The following TMEM242 variants were observed in gnomAD, a reference collection of about 807,000 sequenced individuals.
The protein encoded by TMEM242 is transmembrane protein 242.
A neutral mutation model predicts 18.2 loss-of-function variants in TMEM242; 10 were observed. The ratio of observed to expected loss-of-function variants is 0.55; its 90% CI spans 0.34 to 0.93. The LOEUF (loss-of-function observed/expected upper bound fraction) is 0.93. TMEM242 is among the 40% of genes least tolerant of loss of function. TMEM242 has a pLI of 0.02. For missense variants in TMEM242, 186 were observed against 175.5 expected (o/e 1.06, Z -0.34); for synonymous variants, 57 against 69.9 (o/e 0.81, Z 0.92).
intron 3 of TMEM242, among the ~76,000 whole-genome samples, chr6:157,303,461 CTT>C (rs1188445143): frequency 1.3e-5 from 2 of 152,170 alleles, no homozygotes; most frequent in Non-Finnish European, 1.5e-5. Context: ...CCAATACCCA[CTT>C]TTACCAAGTT....
intron 3 of TMEM242, among the ~76,000 whole-genome samples, chr6:157,293,752 T>C (rs1777714933): frequency 6.6e-6 from 1 of 152,092 alleles, no homozygotes; most frequent in African/African-American, 2.4e-5. Flanking sequence ...GAGATTTTTT[T>C]TTCTTTTTTT....
At chr6:157,298,662 A>G (rs1201438844) in intron 3 of TMEM242, among the ~76,000 whole-genome samples, 1 of 152,258 alleles carries the variant, frequency 6.6e-6, no homozygotes, top group Non-Finnish European at 1.5e-5. Flanking sequence ...AGAGGAAGTT[A>G]CCACTTTTTT....
At chr6:157,301,208 A>C (rs963277959) in intron 3 of TMEM242, among the ~76,000 whole-genome samples, 7 of 152,196 alleles carry the variant, frequency 4.6e-5, no homozygotes, top group African/African-American at 1.7e-4. Flanking sequence ...GCTCTTCTGG[A>C]ATGGGGCCCC....
intron 3 of TMEM242, among the ~76,000 whole-genome samples, chr6:157,303,844 G>A (rs781833450): frequency 6.6e-6 from 1 of 151,008 alleles, no homozygotes; most frequent in Non-Finnish European, 1.5e-5. Flanking sequence ...GGGGAGGGGG[G>A]GGTCTCTGCA....
At chr6:157,306,508 T>C (rs1450162314) in intron 3 of TMEM242, among the ~76,000 whole-genome samples, 18 of 152,030 alleles carry the variant, frequency 1.2e-4, no homozygotes, top group African/African-American at 4.3e-4. Context: ...CAGGAGTAGG[T>C]TGTAGTTGGG....
At chr6:157,300,001 G>C (rs1777805461) in intron 3 of TMEM242, 1 of 1,295,698 alleles carries the variant, frequency 7.7e-7, no homozygotes, top group South Asian at 1.2e-5. Context: ...CACTCTTCAC[G>C]GGGGTGAAGA....
intron 2 of TMEM242, among the ~76,000 whole-genome samples, chr6:157,321,808 A>C (rs1778499005): frequency 6.6e-6 from 1 of 152,176 alleles, no homozygotes; most frequent in Non-Finnish European, 1.5e-5. Context: ...GAAATCAACC[A>C]AAACTCTACT....
chr6:157,310,893 T>C (rs1554248490), intron 3 of TMEM242, among the ~76,000 whole-genome samples: 49 of 135,662 alleles, frequency 3.6e-4, no homozygotes, highest in Non-Finnish European at 5.2e-4. Context: ...TGCACTCACC[T>C]AGCCTCATCA....
intron 3 of TMEM242, among the ~76,000 whole-genome samples, chr6:157,293,355 A>AAAACAAACAAACAAAC (rs111648623): frequency 3.3e-4 from 49 of 148,380 alleles, no homozygotes; most frequent in Admixed American, 6.1e-4. Context: ...TATCTCTTTA[A>AAAACAAACAAACAAAC]AAACAAACAA....
chr6:157,298,587 G>T (rs962779296), intron 3 of TMEM242, among the ~76,000 whole-genome samples: 1 of 152,132 alleles, frequency 6.6e-6, no homozygotes, highest in African/African-American at 2.4e-5. Context: ...AGGAAATGAA[G>T]GCGGTTTCAA....
chr6:157,291,853 T>C lies in TMEM242; in HGVS notation c.*1048A>G, dbSNP rs1777688409. 1 of 152,242 alleles carries C rather than the reference T, an allele frequency of 6.6e-6. No homozygotes were observed. Among genetic ancestry groups the C allele is most frequent in the Non-Finnish European group, 1.5e-5 (1 of 68,044 alleles). 9.4% of individuals were successfully genotyped at this position (152,242 alleles called of 1,614,324 possible). ...GTAGGAAGAAATTGCACAACTGATA[T>C]TTAACTACAGGTTTTTTCTCTGGAC... On this transcript the variant is annotated 3_prime_UTR_variant, in exon 4 of 4. Coordinates refer to ENST00000400788, the MANE Select transcript of TMEM242 (RefSeq NM_018452.6).
At chr6:157,294,420 G>A (rs1321766976) in intron 3 of TMEM242, among the ~76,000 whole-genome samples, 3 of 140,952 alleles carry the variant, frequency 2.1e-5, no homozygotes, top group Non-Finnish European at 3.0e-5. Flanking sequence ...GCGGGATCTC[G>A]GCTCACTGCA....
chr6:157,313,863 T>TC (rs1778310952), intron 3 of TMEM242, among the ~76,000 whole-genome samples: 1 of 149,988 alleles, frequency 6.7e-6, no homozygotes, highest in South Asian at 2.1e-4. Context: ...CAGTGTGCAC[T>TC]CCCCTAGCCT....
chr6:157,310,463 AGTGCCCCAGTGTGTG>A (rs1554248292), intron 3 of TMEM242, among the ~76,000 whole-genome samples: 2 of 151,928 alleles, frequency 1.3e-5, no homozygotes, highest in Non-Finnish European at 2.9e-5. Flanking sequence ...GCCTCATCAC[AGTGCCCCAGTGTGTG>A]CTCACCTAGC....
chr6:157,318,690 TA>T (rs782750267), intron 3 of TMEM242, 91 bp downstream of exon 3: 1 of 1,528,808 alleles, frequency 6.5e-7, no homozygotes, highest in Non-Finnish European at 9.0e-7. Flanking sequence ...GTGACCAAAC[TA>T]CATGCAAATA....
rs782744514 is a variant in TMEM242, at chr6:157,318,856, A to G, written c.253T>C (p.Trp85Arg). ...CCACACCATGCATACAGGGAGCCCCAGCCCAGAGCTCGCAAGGCAAGGGAA... is the reference window on the plus strand; with the variant it reads ...CCACACCATGCATACAGGGAGCCCCGGCCCAGAGCTCGCAAGGCAAGGGAA... Reference protein sequence around the residue: ...GSSLALRALGWGSLYAWCGVG... With the variant: ...GSSLALRALGRGSLYAWCGVG... Residue 85 changes from tryptophan (W) to arginine (R), a missense_variant, in exon 3 of 4, where the codon TGG becomes CGG. Coordinates refer to ENST00000400788, the MANE Select transcript of TMEM242 (RefSeq NM_018452.6). 22 of 1,613,036 alleles carry G rather than the reference A, an allele frequency of 1.4e-5. No individual in the cohort carries two copies. Among genetic ancestry groups the G allele is most frequent in the Non-Finnish European group, 1.9e-5 (22 of 1,179,290 alleles).
intron 3 of TMEM242, among the ~76,000 whole-genome samples, chr6:157,315,666 T>C (rs1554250270): frequency 6.6e-6 from 1 of 152,214 alleles, no homozygotes; most frequent in Non-Finnish European, 1.5e-5. Context: ...CACATATTCT[T>C]ATATTCAGTA....
rs1777650589 is a variant in TMEM242 at position 157,289,140 on chromosome 6, T to C, written c.*3761A>G. Among the ~76,000 whole-genome samples, 1 of 151,264 alleles carries C rather than the reference T, an allele frequency of 6.6e-6. No homozygotes were observed. Among genetic ancestry groups the C allele is most frequent in the African/African-American group, 2.4e-5 (1 of 41,090 alleles). The stretch of plus-strand genomic sequence containing the variant: ...AGCCAGCTTCTCTAAGAAATATAAA[T>C]CAAGGTCCTAAATCACTTCACTAAT... On this transcript the variant is annotated 3_prime_UTR_variant, in exon 4 of 4. Coordinates refer to ENST00000400788, the MANE Select transcript of TMEM242 (RefSeq NM_018452.6).
chr6:157,315,003 A>C (rs587724058), intron 3 of TMEM242, among the ~76,000 whole-genome samples: 21 of 152,314 alleles, frequency 1.4e-4, no homozygotes, highest in Admixed American at 4.6e-4. Context: ...ACTTACAATT[A>C]TTTAACGCTG....
Sources: allele counts gnomAD v4.1 joint callset (sites outside exome capture counted in the v4.1 genomes callset), GRCh38; gene constraint gnomAD v4.1.1; transcripts MANE v1.5; gene names NCBI Gene and HGNC (gene_info 2026-07-23, HGNC 2026-07-21).